The following CCDC170 variants were observed in gnomAD, a reference collection of about 807,000 sequenced individuals.
The protein encoded by CCDC170 is coiled-coil domain-containing protein 170.
In CCDC170, 69 loss-of-function variants were observed where a neutral mutation model predicts 72.6. That is an observed-to-expected ratio of 0.95 (90% confidence interval 0.78 to 1.16). The LOEUF (loss-of-function observed/expected upper bound fraction) is 1.16, where lower values mean the gene tolerates loss of function less well. Among genes scored for constraint, CCDC170 ranks in the 50% most tolerant of loss-of-function variants. The pLI, the probability that CCDC170 is intolerant of heterozygous loss-of-function variation, is 0.00. For synonymous variants in CCDC170, 300 were observed against 303.9 expected (o/e 0.99, Z 0.13); for missense variants, 852 against 832.5 (o/e 1.02, Z -0.29).
intron 1 of CCDC170, among the ~76,000 whole-genome samples, chr6:151,523,971 A>C (rs1216866241): frequency 6.6e-6 from 1 of 152,200 alleles, no homozygotes; most frequent in Non-Finnish European, 1.5e-5. Flanking sequence ...TTAATAAGCG[A>C]AAGGAGAAAG....
intron 1 of CCDC170, among the ~76,000 whole-genome samples, chr6:151,509,151 CAT>C (rs1435040366): frequency 6.6e-6 from 1 of 151,946 alleles, no homozygotes; most frequent in Non-Finnish European, 1.5e-5. Flanking sequence ...AAATCTTTAA[CAT>C]GTGGAAAGAT....
intron 7 of CCDC170, among the ~76,000 whole-genome samples, chr6:151,590,401 G>C (rs973231909): frequency 1.7e-4 from 26 of 152,108 alleles, no homozygotes; most frequent in Admixed American, 2.6e-4. Context: ...TTTTAATTGG[G>C]ATTATGTTCA....
intron 5 of CCDC170, among the ~76,000 whole-genome samples, chr6:151,572,653 T>TTTTTTTTTTTTTTTTTTG (rs1776237615): frequency 1.0e-5 from 1 of 100,502 alleles, no homozygotes; most frequent in African/African-American, 4.3e-5. Flanking sequence ...CTCTGTGTTT[T>TTTTTTTTTTTTTTTTTTG]TTTTTTTTTT....
At chr6:151,554,642 T>G (rs991104409) in intron 5 of CCDC170, among the ~76,000 whole-genome samples, 2 of 151,908 alleles carry the variant, frequency 1.3e-5, no homozygotes, top group African/African-American at 4.8e-5. Flanking sequence ...AAGAATCGCT[T>G]GAACCTGGGA....
intron 1 of CCDC170, among the ~76,000 whole-genome samples, chr6:151,507,230 G>C (rs1479727981): frequency 2.0e-5 from 3 of 151,992 alleles, no homozygotes; most frequent in Admixed American, 1.3e-4. Flanking sequence ...AGAGAGACAG[G>C]GCTGACCAAT....
intron 7 of CCDC170, among the ~76,000 whole-genome samples, chr6:151,591,588 A>G (rs376591894): frequency 0.017 from 2,640 of 151,854 alleles, 85 homozygotes; most frequent in African/African-American, 0.06. Flanking sequence ...TCCGCCTCCC[A>G]GGTTCACACC....
intron 1 of CCDC170, among the ~76,000 whole-genome samples, chr6:151,497,952 C>CA (rs59201906): frequency 0.068 from 3,895 of 57,618 alleles, 219 homozygotes; most frequent in East Asian, 0.22. Context: ...CACACCATCT[C>CA]AAAAAAAAAA....
At chr6:151,517,438 T>TC in intron 1 of CCDC170, among the ~76,000 whole-genome samples, 1 of 150,308 alleles carries the variant, frequency 6.7e-6, no homozygotes, top group Admixed American at 6.6e-5. Flanking sequence ...CTTCTTCTTT[T>TC]TTTTTTTTTT....
intron 1 of CCDC170, among the ~76,000 whole-genome samples, chr6:151,534,332 G>T (rs2115044078): frequency 6.6e-6 from 1 of 151,316 alleles, no homozygotes. Flanking sequence ...TGGGATTACA[G>T]GCCTGAGCCA....
intron 5 of CCDC170, among the ~76,000 whole-genome samples, chr6:151,572,944 G>A (rs1394064227): frequency 6.6e-6 from 1 of 151,846 alleles, no homozygotes; most frequent in South Asian, 2.1e-4. Context: ...GAGCCACCAC[G>A]CCTGGCCCCA....
At chr6:151,577,622 G>C (rs73000038) in intron 6 of CCDC170, among the ~76,000 whole-genome samples, 3,918 of 39,240 alleles carry the variant, frequency 0.1, 66 homozygotes, top group East Asian at 0.2. Flanking sequence ...CTCTGTGGGA[G>C]CTGTGGGGAC....
At chr6:151,525,334 C>T (rs932990965) in intron 1 of CCDC170, among the ~76,000 whole-genome samples, 3 of 152,162 alleles carry the variant, frequency 2.0e-5, no homozygotes, top group South Asian at 2.1e-4. Context: ...GTGACCTGCA[C>T]GTATACATCC....
intron 1 of CCDC170, among the ~76,000 whole-genome samples, chr6:151,499,595 G>A: frequency 7.4e-6 from 1 of 135,046 alleles, no homozygotes; most frequent in Non-Finnish European, 1.6e-5. Flanking sequence ...TGTATAAGTG[G>A]AATCAGACCG....
chr6:151,500,993 A>G (rs1284746840), intron 1 of CCDC170, among the ~76,000 whole-genome samples: 3 of 152,202 alleles, frequency 2.0e-5, no homozygotes, highest in African/African-American at 7.2e-5. Flanking sequence ...AAAAATTAAC[A>G]GGATTATTTT....
At position 151,538,213 on chromosome 6, in the gene CCDC170, AAAATCAGAACAG is replaced by A; in HGVS notation, c.362_373del (p.Arg121_Ile124del). ...AGAATCAGCAGCACTTTCCACTTCT[AAAATCAGAACAG>A]AAATCACAGCTCACGCTGCAATCAA... On this transcript the variant is annotated inframe_deletion, in exon 3 of 11. Transcript: ENST00000239374. The A allele has an allele frequency of 6.2e-7, 1 of 1,613,968 alleles. No individual in the cohort carries two copies. Among genetic ancestry groups the A allele is most frequent in the Non-Finnish European group, 8.5e-7 (1 of 1,179,866 alleles).
intron 1 of CCDC170, among the ~76,000 whole-genome samples, chr6:151,503,934 T>C (rs1435779493): frequency 6.6e-6 from 1 of 152,182 alleles, no homozygotes; most frequent in Non-Finnish European, 1.5e-5. Context: ...GCTGCAAAAC[T>C]GTTCCAGATT....
At chr6:151,576,576 A>G (rs1776307180) in intron 6 of CCDC170, among the ~76,000 whole-genome samples, 1 of 151,804 alleles carries the variant, frequency 6.6e-6, no homozygotes, top group Admixed American at 6.6e-5. Flanking sequence ...GCTTTCTCCC[A>G]CTCCCCATAA....
chr6:151,535,487 G>C (rs962565084), intron 1 of CCDC170, among the ~76,000 whole-genome samples: 1 of 152,184 alleles, frequency 6.6e-6, no homozygotes, highest in African/African-American at 2.4e-5. Context: ...GAGTATAAAA[G>C]GCATAGTGAA....
chr6:151,563,820 A>G (rs930555153), intron 5 of CCDC170, among the ~76,000 whole-genome samples: 20 of 152,030 alleles, frequency 1.3e-4, no homozygotes, highest in African/African-American at 4.6e-4. Context: ...TCTCCCACCT[A>G]CCCTTTCTGT....
Sources: gnomAD v4.1 joint callset for allele counts (sites outside exome capture counted in the v4.1 genomes callset) on GRCh38, gnomAD v4.1.1 for gene constraint, MANE v1.5 for transcripts, NCBI Gene and HGNC (gene_info 2026-07-23, HGNC 2026-07-21) for gene names.